The following ARMH4 variants were observed in gnomAD, a reference collection of about 807,000 sequenced individuals.
The protein encoded by ARMH4 is armadillo like helical domain containing 4, also known as armadillo-like helical domain-containing protein 4.
Under a neutral mutation model 61.9 loss-of-function variants are expected in ARMH4, and 49 were observed. The ratio of observed to expected loss-of-function variants is 0.79; its 90% CI spans 0.63 to 1.00. The LOEUF is 1.00. Ranked by LOEUF, ARMH4 falls within the 50% of genes least tolerant of loss-of-function variation. ARMH4 has a pLI of 0.00. For missense variants in ARMH4, 934 were observed against 930.0 expected, an observed-to-expected ratio of 1.00 and a Z score of -0.06; for synonymous variants, 368 against 341.5, an observed-to-expected ratio of 1.08 and a Z score of -0.85.
chr14:58,005,552 T>C (rs1023407346), intron 6 of ARMH4, among the ~76,000 whole-genome samples: 2 of 152,090 alleles, frequency 1.3e-5, no homozygotes, highest in Non-Finnish European at 1.5e-5. Flanking sequence ...ATGCTATAAA[T>C]TGGAAATATC....
intron 5 of ARMH4, among the ~76,000 whole-genome samples, chr14:58,086,703 G>A (rs955563662): frequency 6.6e-6 from 1 of 152,154 alleles, no homozygotes; most frequent in Non-Finnish European, 1.5e-5. Context: ...ACTCCATGCT[G>A]TGTGCTAGAT....
At position 58,007,350 on chromosome 14, in the gene ARMH4, T is replaced by C. The variant is rs891312220; in HGVS notation, c.2122-2168A>G. Among the ~76,000 whole-genome samples, 6 of 152,332 alleles carry C rather than the reference T, an allele frequency of 3.9e-5. No homozygotes were observed. The South Asian group carries it at 8.3e-4, about 21-fold the overall frequency. On this transcript the variant is annotated intron_variant, in intron 6 of 7. Transcript: ENST00000267485. ...CTTTATTTTTTCAAATTTATATTTA[T>C]ATTTGTAAATTGACATATAAAACTG...
At chr14:58,078,067 G>C (rs1940427365) in intron 5 of ARMH4, among the ~76,000 whole-genome samples, 1 of 152,164 alleles carries the variant, frequency 6.6e-6, no homozygotes, top group African/African-American at 2.4e-5. Context: ...CCTACTCTAA[G>C]ATGAAACAGA....
At chr14:58,085,338 C>G (rs1158248468) in intron 5 of ARMH4, among the ~76,000 whole-genome samples, 1 of 151,076 alleles carries the variant, frequency 6.6e-6, no homozygotes, top group East Asian at 1.9e-4. Flanking sequence ...AAAAACTTCC[C>G]AGTTTTCCTA....
At chr14:58,134,876 G>A (rs1213322008) in intron 2 of ARMH4, among the ~76,000 whole-genome samples, 1 of 148,878 alleles carries the variant, frequency 6.7e-6, no homozygotes, top group African/African-American at 2.5e-5. Flanking sequence ...ACAATTGCCT[G>A]AACCCAGGAG....
At chr14:58,046,679 A>G (rs555457703) in intron 5 of ARMH4, among the ~76,000 whole-genome samples, 2 of 152,256 alleles carry the variant, frequency 1.3e-5, no homozygotes, top group East Asian at 1.9e-4. Flanking sequence ...AAACTTCCCA[A>G]GGGACTTTCT....
At chr14:58,127,304 G>A (rs571618667) in intron 4 of ARMH4, among the ~76,000 whole-genome samples, 3 of 152,194 alleles carry the variant, frequency 2.0e-5, no homozygotes, top group Admixed American at 2.0e-4. Flanking sequence ...CTGAATCATG[G>A]GGGTGGGTCT....
intron 4 of ARMH4, among the ~76,000 whole-genome samples, chr14:58,103,134 GAA>G (rs35500903): frequency 1.3e-4 from 18 of 141,694 alleles, no homozygotes; most frequent in South Asian, 2.3e-4. Context: ...ACTCCATCTC[GAA>G]AAAAAAAAAA....
At chr14:58,024,001 T>C (rs1327857876) in intron 5 of ARMH4, among the ~76,000 whole-genome samples, 1 of 152,112 alleles carries the variant, frequency 6.6e-6, no homozygotes, top group Non-Finnish European at 1.5e-5. Context: ...TTGTTCCATT[T>C]ATAGAGCACA....
chr14:58,071,179 G>A (rs1048185073), intron 5 of ARMH4, among the ~76,000 whole-genome samples: 12 of 149,932 alleles, frequency 8.0e-5, no homozygotes, highest in African/African-American at 2.2e-4. Context: ...ACAATAGTAC[G>A]GGTAATAATT....
At chr14:58,101,074 G>T (rs757283331) in intron 4 of ARMH4, 18 of 167,540 alleles carry the variant, frequency 1.1e-4, no homozygotes, top group South Asian at 6.7e-4. Flanking sequence ...CAACCAGGGT[G>T]ACCAAGTGTC....
At chr14:58,136,612 CAT>C (rs1390987688) in intron 2 of ARMH4, among the ~76,000 whole-genome samples, 1 of 152,160 alleles carries the variant, frequency 6.6e-6, no homozygotes, top group Admixed American at 6.5e-5. Context: ...CCTTATAAAA[CAT>C]ATTACTGATT....
At chr14:58,092,926 G>A (rs1885622677) in intron 5 of ARMH4, among the ~76,000 whole-genome samples, 1 of 151,514 alleles carries the variant, frequency 6.6e-6, no homozygotes, top group Non-Finnish European at 1.5e-5. Context: ...TGGTTTGGGT[G>A]TGCCCCAACC....
At chr14:58,007,633 GA>G (rs1882228342) in intron 6 of ARMH4, among the ~76,000 whole-genome samples, 1 of 152,152 alleles carries the variant, frequency 6.6e-6, no homozygotes, top group Non-Finnish European at 1.5e-5. Context: ...CTGACTAAGG[GA>G]AAATAAGCTC....
intron 6 of ARMH4, among the ~76,000 whole-genome samples, chr14:58,009,827 A>AAAAAG (rs1882327422): frequency 7.6e-6 from 1 of 131,686 alleles, no homozygotes; most frequent in Admixed American, 8.0e-5. Flanking sequence ...AAAAAAAAAA[A>AAAAAG]AGAGAGAGAG....
At chr14:58,100,396 T>C (rs1885924509) in intron 4 of ARMH4, among the ~76,000 whole-genome samples, 2 of 152,162 alleles carry the variant, frequency 1.3e-5, no homozygotes, top group Non-Finnish European at 2.9e-5. Flanking sequence ...CACATTCAGC[T>C]GCTTGGGCGC....
chr14:58,010,578 G>A (rs1199945881), intron 6 of ARMH4, among the ~76,000 whole-genome samples: 2 of 151,610 alleles, frequency 1.3e-5, no homozygotes, highest in African/African-American at 2.4e-5. Flanking sequence ...TGAGAAAGCT[G>A]GAAAAACTTC....
chr14:58,148,602 T>A lies in ARMH4; in HGVS notation c.-57+3473A>T, dbSNP rs149093689. On this transcript the variant is annotated intron_variant, in intron 1 of 7. Transcript: ENST00000267485. ...AAGGGTAGGCACAAAGAGGAGAGAT[T>A]CCATAAATATTTGTTGGCATGATGT... Among the ~76,000 whole-genome samples, 39 of 152,278 alleles carry A rather than the reference T, an allele frequency of 2.6e-4. No homozygotes were observed. The East Asian group carries it at 7.5e-3, about 29-fold the overall frequency.
At chr14:58,012,697 T>C (rs943604238) in intron 5 of ARMH4, among the ~76,000 whole-genome samples, 3 of 152,180 alleles carry the variant, frequency 2.0e-5, no homozygotes, top group Non-Finnish European at 2.9e-5. Context: ...GAAAGACATA[T>C]AACTTGTGAA....
Sources: gnomAD v4.1 joint callset for allele counts (sites outside exome capture counted in the v4.1 genomes callset) on GRCh38, gnomAD v4.1.1 for gene constraint, MANE v1.5 for transcripts, NCBI Gene and HGNC (gene_info 2026-07-23, HGNC 2026-07-21) for gene names.